THRA: variants seen among roughly 807,000 people sequenced by gnomAD.
The protein encoded by THRA is thyroid hormone receptor alpha.
THRA carries 13 observed loss-of-function variants against 45.0 expected under a neutral mutation model. The observed-to-expected ratio is 0.29, with a 90% CI of 0.19 to 0.46. THRA has a LOEUF of 0.46. Ranked by LOEUF, THRA falls within the 20% of genes least tolerant of loss-of-function variation. The pLI, the probability that THRA is intolerant of heterozygous loss-of-function variation, is 1.00. For missense variants in THRA, 278 were observed against 556.1 expected, an observed-to-expected ratio of 0.50 and a Z score of 5.03; for synonymous variants, 195 against 214.0, an observed-to-expected ratio of 0.91 and a Z score of 0.78.
intron 2 of THRA, among the ~76,000 whole-genome samples, chr17:40,074,751 G>A (rs1432446776): frequency 1.3e-5 from 2 of 152,190 alleles, no homozygotes; most frequent in Non-Finnish European, 1.5e-5. Flanking sequence ...AGCGGGGAGC[G>A]ATACAGAGCA....
intron 5 of THRA, chr17:40,084,361 C>T (rs1008398082): frequency 7.6e-6 from 4 of 529,332 alleles, no homozygotes; most frequent in Non-Finnish European, 1.4e-5. Context: ...GAGTAACCAC[C>T]GTCACCATAA....
chr17:40,074,445 G>C lies in THRA; in HGVS notation c.-44G>C, dbSNP rs1311721465. Reference sequence around the variant, plus strand: ...CGGGGGGGCCAGTGTGCCCACCCCAGTCTCTTGGCGTGCTGGAGGGCATCC... The same window carrying C: ...CGGGGGGGCCAGTGTGCCCACCCCACTCTCTTGGCGTGCTGGAGGGCATCC... On this transcript the variant is annotated 5_prime_UTR_variant, in exon 2 of 9. Coordinates refer to ENST00000450525, the MANE Select transcript of THRA (RefSeq NM_199334.5). The C allele has an allele frequency of 6.2e-7, 1 of 1,612,654 alleles. No homozygotes were observed. The highest frequency in any genetic ancestry group is 1.7e-5 in the Admixed American group (1 of 59,976).
At chr17:40,082,758 CTTTTTT>C (rs920725279) in intron 4 of THRA, among the ~76,000 whole-genome samples, 31 of 67,518 alleles carry the variant, frequency 4.6e-4, no homozygotes, top group African/African-American at 1.6e-3. Flanking sequence ...GAATCGCATG[CTTTTTT>C]TTTTTTTTTT....
chr17:40,081,547 G>A (rs890466351), intron 4 of THRA, among the ~76,000 whole-genome samples: 1 of 152,128 alleles, frequency 6.6e-6, no homozygotes, highest in Non-Finnish European at 1.5e-5. Context: ...GATTACAGGT[G>A]TGAGTCATTG....
chr17:40,067,771 A>G (rs1986623693), intron 1 of THRA, among the ~76,000 whole-genome samples: 1 of 152,116 alleles, frequency 6.6e-6, no homozygotes, highest in South Asian at 2.1e-4. Flanking sequence ...TAATCTCAAT[A>G]TTTTGGGAGG....
chr17:40,093,468 G>C (rs1353215795), downstream of THRA: 11 of 1,491,976 alleles, frequency 7.4e-6, no homozygotes, highest in Non-Finnish European at 9.8e-6. This position sits in a 1 kb window ranked among gnomAD's most constrained non-coding sequence, Gnocchi z 5.9. Context: ...GTGCCTGAAA[G>C]CTGGGAGCGT....
At chr17:40,081,064 C>T (rs192042884) in intron 4 of THRA, among the ~76,000 whole-genome samples, 7 of 152,094 alleles carry the variant, frequency 4.6e-5, no homozygotes, top group African/African-American at 1.7e-4. Flanking sequence ...AGAGCTCAGA[C>T]GTTGGTGTCC....
chr17:40,072,516 C>T (rs560682493), intron 1 of THRA, among the ~76,000 whole-genome samples: 25 of 152,256 alleles, frequency 1.6e-4, no homozygotes, highest in African/African-American at 5.3e-4. Flanking sequence ...GCACCACAGC[C>T]AGGGTGTGCC....
intron 1 of THRA, among the ~76,000 whole-genome samples, chr17:40,066,726 A>G (rs1429831458): frequency 2.0e-5 from 3 of 151,826 alleles, no homozygotes; most frequent in Admixed American, 2.0e-4. Context: ...CAAGCAGGTG[A>G]TATACCATCA....
intron 3 of THRA, 64 bp from the exon 4 acceptor site, chr17:40,077,444 T>G: frequency 2.6e-5 from 38 of 1,450,284 alleles, no homozygotes; most frequent in Non-Finnish European, 3.3e-5. Context: ...GGGAAAAGTG[T>G]GAGAGCCTCT....
chr17:40,086,642 A>T, intron 6 of THRA, 65 bp from the exon 7 acceptor site: 1 of 1,573,952 alleles, frequency 6.4e-7, no homozygotes. Context: ...CCTGGTGGGC[A>T]GGGAGCCTCA....
intron 6 of THRA, 138 bp downstream of exon 6, chr17:40,084,953 C>A: frequency 1.1e-6 from 1 of 941,604 alleles, no homozygotes. Flanking sequence ...TTTTGCTGTC[C>A]AGATTTTATA....
At chr17:40,075,360 T>A (rs1208271019) in intron 2 of THRA, among the ~76,000 whole-genome samples, 1 of 151,810 alleles carries the variant, frequency 6.6e-6, no homozygotes, top group African/African-American at 2.4e-5. Context: ...GGAGATCAGA[T>A]CCCGAGCCAG....
chr17:40,084,791 T>C lies in THRA; in HGVS notation c.552T>C (p.His184=). ...AHRSTNAQGS[H]WKQRRKFLPD... ...GCAGCACCAATGCCCAGGGCAGCCATTGGAAACAGAGGCGGAAATTCCTGG... is the reference window on the plus strand; with the variant it reads ...GCAGCACCAATGCCCAGGGCAGCCACTGGAAACAGAGGCGGAAATTCCTGG... The change falls in exon 6 of 9, where the codon CAT becomes CAC. Residue 184 remains histidine, a synonymous_variant. Transcript: ENST00000450525. 1.9e-6 allele frequency: 3 copies of C among 1,613,718 alleles called. No homozygotes were observed. Among genetic ancestry groups the C allele is most frequent in the South Asian group, 1.1e-5 (1 of 91,048 alleles).
intron 5 of THRA, 91 bp from the exon 6 acceptor site, chr17:40,084,512 TTCTCCAA>T: frequency 7.1e-7 from 1 of 1,405,836 alleles, no homozygotes; most frequent in Non-Finnish European, 9.8e-7. Context: ...GGCCCTCGGT[TTCTCCAA>T]CCTGTACTCT....
chr17:40,092,835 C>T lies in THRA; in HGVS notation c.*3379C>T, dbSNP rs1987632916. On this transcript the variant is annotated 3_prime_UTR_variant, in exon 9 of 9. Transcript: ENST00000450525. Reference sequence around the variant, plus strand: ...GATTTGAGACAGGAACAGAACAAATCAGAGGGCCAGGGGAGGGTTGTGGGG... The same window carrying T: ...GATTTGAGACAGGAACAGAACAAATTAGAGGGCCAGGGGAGGGTTGTGGGG... 39 of 835,554 alleles carry T rather than the reference C, an allele frequency of 4.7e-5. No individual in the cohort carries two copies. The South Asian group carries it at 6.8e-4, about 15-fold the overall frequency. The allele number at this position is 835,554 out of a possible 1,614,324, so 51.8% of individuals were successfully genotyped here. A position where few individuals can be genotyped will look rare whatever the true frequency, so the allele number is the denominator to read the frequency against.
intron 2 of THRA, among the ~76,000 whole-genome samples, chr17:40,075,426 G>A (rs1007613900): frequency 6.6e-6 from 1 of 152,158 alleles, no homozygotes; most frequent in Non-Finnish European, 1.5e-5. Context: ...GTCCCTGGAG[G>A]GTAGAGGAAG....
chr17:40,076,280 G>A (rs1986950174), intron 2 of THRA, among the ~76,000 whole-genome samples: 1 of 152,156 alleles, frequency 6.6e-6, no homozygotes, highest in Non-Finnish European at 1.5e-5. Flanking sequence ...ATGACCTGGA[G>A]CTCAAGCAAC....
At chr17:40,067,104 C>T (rs902606982) in intron 1 of THRA, among the ~76,000 whole-genome samples, 11 of 152,106 alleles carry the variant, frequency 7.2e-5, no homozygotes, top group Non-Finnish European at 1.5e-4. Context: ...GCCTTCTCAC[C>T]GTCATGTAAT....
Sources: gnomAD v4.1 joint callset for allele counts (sites outside exome capture counted in the v4.1 genomes callset) on GRCh38, gnomAD v4.1.1 for gene constraint, Gnocchi (gnomAD v3.1) non-coding constraint, MANE v1.5 for transcripts, NCBI Gene and HGNC (gene_info 2026-07-23, HGNC 2026-07-21) for gene names.